The following LRRTM3 variants were observed in gnomAD, a reference collection of about 807,000 sequenced individuals.
The protein encoded by LRRTM3 is leucine-rich repeat transmembrane neuronal protein 3.
A neutral mutation model predicts 44.7 loss-of-function variants in LRRTM3; 24 were observed. The ratio of observed to expected loss-of-function variants is 0.54; its 90% CI spans 0.39 to 0.76. LRRTM3 has a LOEUF of 0.76. Ranked by LOEUF, LRRTM3 falls within the 30% of genes least tolerant of loss-of-function variation. The pLI is 0.00. For synonymous variants in LRRTM3, 277 were observed against 278.7 expected, an observed-to-expected ratio of 0.99 and a Z score of 0.06; for missense variants, 587 against 702.2, an observed-to-expected ratio of 0.84 and a Z score of 1.85.
chr10:67,012,094 AAC>A (rs1852374454), intron 2 of LRRTM3, among the ~76,000 whole-genome samples: 1 of 152,220 alleles, frequency 6.6e-6, no homozygotes, highest in African/African-American at 2.4e-5. Context: ...ATACAAGTCA[AAC>A]ACAACTCTCT....
chr10:66,954,617 G>A (rs1848698102), intron 2 of LRRTM3, among the ~76,000 whole-genome samples: 2 of 152,064 alleles, frequency 1.3e-5, no homozygotes, highest in Non-Finnish European at 2.9e-5. Flanking sequence ...GTTAACAGAA[G>A]GAAAATGAGG....
intron 2 of LRRTM3, among the ~76,000 whole-genome samples, chr10:66,973,665 C>T (rs1051573193): frequency 6.6e-6 from 1 of 152,046 alleles, no homozygotes; most frequent in Non-Finnish European, 1.5e-5. Context: ...TCACTGTCAC[C>T]CCAGCTGGAG....
Position 66,957,413 on chromosome 10 carries a change from TGC to T in LRRTM3, c.1536+28962_1536+28963del, listed in dbSNP as rs1394422786. ...ATATACATATATATATATATATATA[TGC>T]ATATATATATATGCATATATATATA... On this transcript the variant is annotated intron_variant, in intron 2 of 2. Coordinates refer to ENST00000361320, the MANE Select transcript of LRRTM3 (RefSeq NM_178011.5). 0.016 allele frequency among the ~76,000 whole-genome samples: 483 copies of T among 29,820 alleles called. 41 individuals carry two copies. The East Asian group carries it at 0.18, about 11-fold the overall frequency. The allele number at this position is 29,820 out of a possible 152,430, so 19.6% of individuals were successfully genotyped here.
chr10:66,964,168 A>C (rs1428918288), intron 2 of LRRTM3, among the ~76,000 whole-genome samples: 2 of 152,040 alleles, frequency 1.3e-5, no homozygotes, highest in Non-Finnish European at 2.9e-5. Flanking sequence ...ATTTCTGTCC[A>C]CAGTAACATC....
At chr10:67,042,527 G>A (rs557212629) in intron 2 of LRRTM3, among the ~76,000 whole-genome samples, 1 of 152,084 alleles carries the variant, frequency 6.6e-6, no homozygotes, top group East Asian at 1.9e-4. Context: ...CATAGAGTGT[G>A]GCAGTGGATC....
chr10:67,093,065 T>G (rs1488711875), intron 2 of LRRTM3, among the ~76,000 whole-genome samples: 1 of 151,926 alleles, frequency 6.6e-6, no homozygotes, highest in Non-Finnish European at 1.5e-5. Flanking sequence ...TTTAGAGGAT[T>G]AAAAGAAACC....
At chr10:66,947,629 T>G (rs1005576213) in intron 2 of LRRTM3, among the ~76,000 whole-genome samples, 1 of 152,222 alleles carries the variant, frequency 6.6e-6, no homozygotes, top group African/African-American at 2.4e-5. Flanking sequence ...CTTCATAATT[T>G]GTATTTTTTC....
intron 2 of LRRTM3, among the ~76,000 whole-genome samples, chr10:66,945,792 T>C (rs928031878): frequency 2.6e-5 from 4 of 152,148 alleles, no homozygotes; most frequent in African/African-American, 7.2e-5. Context: ...GGGTTATTAA[T>C]GGGTGAAATT....
intron 2 of LRRTM3, among the ~76,000 whole-genome samples, chr10:66,950,678 T>C (rs574838000): frequency 7.9e-5 from 12 of 152,300 alleles, no homozygotes; most frequent in Middle Eastern, 3.4e-3. Context: ...AGCATCATCC[T>C]ATGAAGTATA....
At position 67,047,098 on chromosome 10, in the gene LRRTM3, A is replaced by G. The variant is rs570605840; in HGVS notation, c.1537-50489A>G. 7.2e-5 allele frequency among the ~76,000 whole-genome samples: 11 copies of G among 152,314 alleles called. No homozygotes were observed. The South Asian group carries it at 2.1e-3, about 29-fold the overall frequency. ...ATCCAGAGATGAGTTTAGACAGAGGACAATGAAGACAGTACTCAGACAGTA... is the reference window on the plus strand; with the variant it reads ...ATCCAGAGATGAGTTTAGACAGAGGGCAATGAAGACAGTACTCAGACAGTA... On this transcript the variant is annotated intron_variant, in intron 2 of 2. Transcript: ENST00000361320.
intron 2 of LRRTM3, among the ~76,000 whole-genome samples, chr10:67,061,955 A>C (rs1188950709): frequency 9.0e-6 from 1 of 111,362 alleles, no homozygotes; most frequent in Non-Finnish European, 1.9e-5. Context: ...TACTGTAAAA[A>C]AAATCAATCT....
At chr10:67,094,221 T>C (rs1427858390) in intron 2 of LRRTM3, among the ~76,000 whole-genome samples, 1 of 151,930 alleles carries the variant, frequency 6.6e-6, no homozygotes, top group Non-Finnish European at 1.5e-5. Context: ...CAAATTTAGA[T>C]AATAGAGACT....
At chr10:66,953,326 T>C (rs1848632000) in intron 2 of LRRTM3, among the ~76,000 whole-genome samples, 1 of 152,178 alleles carries the variant, frequency 6.6e-6, no homozygotes, top group Non-Finnish European at 1.5e-5. Flanking sequence ...ATTCAAGTTA[T>C]TAAAGACAAA....
chr10:67,052,128 C>G (rs1046905257), intron 2 of LRRTM3, among the ~76,000 whole-genome samples: 1 of 152,138 alleles, frequency 6.6e-6, no homozygotes, highest in Admixed American at 6.5e-5. Context: ...AAAGAAACCA[C>G]CTTACCTAGT....
Position 66,927,018 on chromosome 10 carries a change from C to T in LRRTM3, c.102C>T (p.Cys34=), listed in dbSNP as rs1847122103. 6.2e-7 allele frequency: 1 copy of T among 1,613,984 alleles called. No homozygotes were observed. The highest frequency in any genetic ancestry group is 1.1e-5 in the South Asian group (1 of 91,088). The change falls in exon 2 of 3, where the codon TGC becomes TGT. Residue 34 remains cysteine, a synonymous_variant. Coordinates refer to ENST00000361320, the MANE Select transcript of LRRTM3 (RefSeq NM_178011.5). This position sits in a 1 kb window ranked among gnomAD's most constrained non-coding sequence, Gnocchi z 4.7. ...LTMLSSAERG[C]PKGCRCEGKM... ...TGCTTTCTTCTGCCGAACGAGGATG[C>T]CCTAAGGGCTGTAGGTGTGAAGGCA...
At chr10:66,978,960 C>CTTT (rs34112681) in intron 2 of LRRTM3, among the ~76,000 whole-genome samples, 138 of 83,776 alleles carry the variant, frequency 1.6e-3, no homozygotes, top group African/African-American at 3.2e-3. Flanking sequence ...TACTTATTTC[C>CTTT]TTTTTTTTTT....
At chr10:67,004,264 C>T (rs1839504323) in intron 2 of LRRTM3, among the ~76,000 whole-genome samples, 1 of 152,118 alleles carries the variant, frequency 6.6e-6, no homozygotes, top group African/African-American at 2.4e-5. Context: ...AAAAGTCTGA[C>T]TCTTTATAAA....
chr10:66,967,788 TTA>T (rs780243612), intron 2 of LRRTM3, among the ~76,000 whole-genome samples: 6 of 152,062 alleles, frequency 3.9e-5, no homozygotes, highest in Non-Finnish European at 8.8e-5. Context: ...TAAATTATCA[TTA>T]TATTTCACCA....
intron 2 of LRRTM3, among the ~76,000 whole-genome samples, chr10:67,082,245 T>C (rs908448149): frequency 6.6e-6 from 1 of 152,198 alleles, no homozygotes; most frequent in African/African-American, 2.4e-5. Flanking sequence ...TTATCAAATA[T>C]ATTAGTTGGT....
Sources: gnomAD v4.1 joint callset for allele counts (sites outside exome capture counted in the v4.1 genomes callset) on GRCh38, gnomAD v4.1.1 for gene constraint, Gnocchi (gnomAD v3.1) non-coding constraint, MANE v1.5 for transcripts, NCBI Gene and HGNC (gene_info 2026-07-23, HGNC 2026-07-21) for gene names.